TXLNA: variants seen among roughly 807,000 people sequenced by gnomAD.
TXLNA encodes alpha-taxilin.
TXLNA carries 9 observed loss-of-function variants against 61.4 expected under a neutral mutation model. The ratio of observed to expected loss-of-function variants is 0.15; its 90% CI spans 0.09 to 0.26. The LOEUF is 0.26. Ranked by LOEUF, TXLNA falls within the 10% of genes least tolerant of loss-of-function variation. The probability of loss-of-function intolerance (pLI) is 1.00; values close to 1 mark genes in which losing one functional copy is unlikely to be tolerated. For missense variants in TXLNA, 565 were observed against 688.8 expected (o/e 0.82, Z 2.01); for synonymous variants, 257 against 267.7 (o/e 0.96, Z 0.39).
chr1:32,188,152 ACT>A, intron 5 of TXLNA, 28 bp downstream of exon 5: 3 of 1,518,380 alleles, frequency 2.0e-6, no homozygotes, highest in Non-Finnish European at 2.7e-6. Context: ...GGAACAGGTG[ACT>A]CTGGTTTCCT....
Position 32,192,858 on chromosome 1 carries a change from C to A in TXLNA, c.1158+127C>A. ...TGGCTGCTATGACGCCTTGGTTGAG[C>A]CTTTGTTCTCTCCGGACCTGCACAG... On this transcript the variant is annotated intron_variant, in intron 8 of 10. Coordinates refer to ENST00000373610, the MANE Select transcript of TXLNA (RefSeq NM_175852.4). The surrounding 1 kb of genome is among the most constrained non-coding windows in gnomAD (Gnocchi z 4.2). The A allele has an allele frequency of 2.1e-6, 2 of 953,084 alleles. No homozygotes were observed. Among genetic ancestry groups the A allele is most frequent in the South Asian group, 1.5e-5 (1 of 66,280 alleles). The allele number at this position is 953,084 out of a possible 1,614,324, so 59.0% of individuals were successfully genotyped here.
rs16834916 is a variant in TXLNA, at chr1:32,192,846, G to A, written c.1158+115G>A. ...CTGGCTGTGTCCTGGCTGCTATGAC[G>A]CCTTGGTTGAGCCTTTGTTCTCTCC... On this transcript the variant is annotated intron_variant, in intron 8 of 10. Coordinates refer to ENST00000373610, the MANE Select transcript of TXLNA (RefSeq NM_175852.4). The surrounding 1 kb of genome is among the most constrained non-coding windows in gnomAD (Gnocchi z 4.2). 0.092 allele frequency: 99,615 copies of A among 1,077,602 alleles called. 7,046 individuals are homozygous for A. Among genetic ancestry groups the A allele is most frequent in the South Asian group, 0.23 (16,067 of 70,988 alleles). 66.8% of individuals were successfully genotyped at this position (1,077,602 alleles called of 1,614,324 possible).
In TXLNA at chr1:32,184,634, C is replaced by T. The variant is rs777128843; in HGVS notation, c.597+18C>T. 8.3e-6 allele frequency: 13 copies of T among 1,574,076 alleles called. No individual in the cohort carries two copies. The East Asian group carries it at 1.1e-4, about 14-fold the overall frequency. Reference sequence around the variant, plus strand: ...CTGAACTGGTCAGTTCCCCCCTCCGCGGGCACCTTCCCTGCGTTGGGAAAA... The same window carrying T: ...CTGAACTGGTCAGTTCCCCCCTCCGTGGGCACCTTCCCTGCGTTGGGAAAA... On this transcript the variant is annotated intron_variant, in intron 4 of 10. Transcript: ENST00000373610.
chr1:32,186,026 T>C (rs1642782980), intron 4 of TXLNA, among the ~76,000 whole-genome samples: 1 of 152,224 alleles, frequency 6.6e-6, no homozygotes, highest in South Asian at 2.1e-4. Context: ...AATTAATTCA[T>C]TCCACACACA....
At chr1:32,194,394 A>AG (rs953329125) in intron 10 of TXLNA, among the ~76,000 whole-genome samples, 66 of 152,220 alleles carry the variant, frequency 4.3e-4, no homozygotes, top group African/African-American at 1.5e-3. Flanking sequence ...ATAAAAGAGC[A>AG]GAAAAAAACG....
At chr1:32,183,751 T>G (rs1241681200) in intron 3 of TXLNA, among the ~76,000 whole-genome samples, 3 of 145,578 alleles carry the variant, frequency 2.1e-5, no homozygotes, top group Non-Finnish European at 4.5e-5. Context: ...ATTAATTAAT[T>G]TTTTTAGACA....
chr1:32,195,513 T>G lies in TXLNA; in HGVS notation c.*318T>G. On this transcript the variant is annotated 3_prime_UTR_variant, in exon 11 of 11. Coordinates refer to ENST00000373610, the MANE Select transcript of TXLNA (RefSeq NM_175852.4). ...CTGTCATCTGTAGCTGCCATCACAG[T>G]GAGTTGGCAGAAGTGACTTGAGCAT... 2.0e-6 allele frequency: 1 copy of G among 490,610 alleles called. No individual in the cohort carries two copies. The highest frequency in any genetic ancestry group is 3.7e-6 in the Non-Finnish European group (1 of 268,414). 30.4% of individuals were successfully genotyped at this position (490,610 alleles called of 1,614,324 possible).
At chr1:32,193,950 G>A (rs745578420) in intron 9 of TXLNA, 115 bp from the exon 10 acceptor site, 17 of 773,106 alleles carry the variant, frequency 2.2e-5, no homozygotes, top group Non-Finnish European at 3.2e-5. Context: ...AATGCCTTGC[G>A]CCTTGGGATC....
At position 32,192,171 on chromosome 1, in the gene TXLNA, A is replaced by G; in HGVS notation, c.964-140A>G. 6 of 1,299,278 alleles carry G rather than the reference A, an allele frequency of 4.6e-6. No homozygotes were observed. The highest frequency in any genetic ancestry group is 6.3e-6 in the Non-Finnish European group (6 of 946,292). 80.5% of individuals were successfully genotyped at this position (1,299,278 alleles called of 1,614,324 possible). A position where few individuals can be genotyped will look rare whatever the true frequency, so the allele number is the denominator to read the frequency against. On this transcript the variant is annotated intron_variant, in intron 6 of 10. Coordinates refer to ENST00000373610, the MANE Select transcript of TXLNA (RefSeq NM_175852.4). The surrounding 1 kb of genome is among the most constrained non-coding windows in gnomAD (Gnocchi z 4.2). ...CTGACCTTCCAGAGACTTGGGGCCCATGTTGTGTGGTACACATGGGAGTCC... is the reference window on the plus strand; with the variant it reads ...CTGACCTTCCAGAGACTTGGGGCCCGTGTTGTGTGGTACACATGGGAGTCC...
At chr1:32,189,342 A>G (rs539922020) in intron 5 of TXLNA, among the ~76,000 whole-genome samples, 34 of 152,276 alleles carry the variant, frequency 2.2e-4, no homozygotes, top group African/African-American at 6.0e-4. Context: ...TTCCCCATCA[A>G]AAGTGTTGAG....
intron 3 of TXLNA, 69 bp from the exon 4 acceptor site, chr1:32,184,456 A>T: frequency 1.0e-6 from 1 of 999,902 alleles, no homozygotes; most frequent in Non-Finnish European, 1.6e-6. Flanking sequence ...AGCACTCATG[A>T]GTGTGAGCCC....
intron 6 of TXLNA, among the ~76,000 whole-genome samples, chr1:32,190,477 C>T (rs760264759): frequency 3.3e-5 from 5 of 152,184 alleles, no homozygotes; most frequent in Non-Finnish European, 7.3e-5. Context: ...TCCCAAATGA[C>T]TGGGCCAGGC....
chr1:32,195,649 G>GC lies in TXLNA; in HGVS notation c.*455dup, dbSNP rs1557508977. ...CTTGTGAGCAGGGCTTGCTTGGTCA[G>GC]CTCAGGCCCTCCTAGCTGCTCTGGA... is the stretch of plus-strand genomic sequence containing the variant. On this transcript the variant is annotated 3_prime_UTR_variant, in exon 11 of 11. Coordinates refer to ENST00000373610, the MANE Select transcript of TXLNA (RefSeq NM_175852.4). 2.2e-6 allele frequency: 1 copy of GC among 452,166 alleles called. No homozygotes were observed. Among genetic ancestry groups the GC allele is most frequent in the South Asian group, 1.6e-5 (1 of 63,808 alleles). The allele number at this position is 452,166 out of a possible 1,614,324, so 28.0% of individuals were successfully genotyped here.
intron 5 of TXLNA, 99 bp downstream of exon 5, chr1:32,188,223 G>T: frequency 7.5e-7 from 1 of 1,332,966 alleles, no homozygotes. Flanking sequence ...TGCAGGCTAG[G>T]GCCAGGCGCA....
intron 9 of TXLNA, 64 bp downstream of exon 9, chr1:32,193,364 G>A: frequency 7.6e-7 from 1 of 1,322,892 alleles, no homozygotes; most frequent in Non-Finnish European, 1.1e-6. Flanking sequence ...AAATTGTTGG[G>A]CCTGCCTTCA....
Position 32,181,223 on chromosome 1 carries a change from T to A in TXLNA, c.170-19T>A. 1 of 1,536,820 alleles carries A rather than the reference T, an allele frequency of 6.5e-7. No homozygotes were observed. Among genetic ancestry groups the A allele is most frequent in the Non-Finnish European group, 8.8e-7 (1 of 1,138,816 alleles). Reference sequence around the variant, plus strand: ...ATCGTCTTCTTTCTCACTCTACCCCTCATCCTCTCCTGCTGTAGGGGCTCA... The same window carrying A: ...ATCGTCTTCTTTCTCACTCTACCCCACATCCTCTCCTGCTGTAGGGGCTCA... On this transcript the variant is annotated intron_variant, in intron 2 of 10. Transcript: ENST00000373610.
Position 32,194,951 on chromosome 1 carries a change from G to A in TXLNA, c.1397G>A (p.Arg466Gln), listed in dbSNP as rs774113606. 3.1e-5 allele frequency: 50 copies of A among 1,613,776 alleles called. No individual in the cohort carries two copies. The highest frequency in any genetic ancestry group is 6.7e-5 in the East Asian group (3 of 44,892). Residue 466 changes from arginine to glutamine, a missense_variant, in exon 11 of 11, where the codon CGG (arginine) becomes CAG (glutamine). Arg to Gln is a conservative substitution (Grantham distance 43). Coordinates refer to ENST00000373610, the MANE Select transcript of TXLNA (RefSeq NM_175852.4). ...GAGGGCCTGCAGGTAAAAATCCAAC[G>A]GCTGGAGAAGCTGTGCCGGGCACTG... ...ELEGLQVKIQ[R>Q]LEKLCRALQT...
rs749090562 is a variant in TXLNA at position 32,192,620 on chromosome 1, G to A, written c.1084-37G>A. On this transcript the variant is annotated intron_variant, in intron 7 of 10. Coordinates refer to ENST00000373610, the MANE Select transcript of TXLNA (RefSeq NM_175852.4). This position sits in a 1 kb window ranked among gnomAD's most constrained non-coding sequence, Gnocchi z 4.2. ...TAAAAACCAAACATAGCCCCTGGGGGCTTCTGACAGGATCTGGGGTTCTGT... is the reference window on the plus strand; with the variant it reads ...TAAAAACCAAACATAGCCCCTGGGGACTTCTGACAGGATCTGGGGTTCTGT... The A allele has an allele frequency of 6.2e-7, 1 of 1,612,996 alleles. No individual in the cohort carries two copies. The highest frequency in any genetic ancestry group is 1.1e-5 in the South Asian group (1 of 91,056).
Position 32,195,036 on chromosome 1 carries a change from C to A in TXLNA, c.1482C>A (p.Gly494=). The part of the protein sequence containing the change: ...RVQDLSAGGQ[G]SLTDSGPERR... ...AGGACCTGAGTGCTGGTGGCCAGGG[C>A]TCCCTCACTGACAGTGGCCCTGAGA... The change falls in exon 11 of 11, where the codon GGC becomes GGA. Residue 494 remains glycine, a synonymous_variant. Transcript: ENST00000373610. 1.2e-6 allele frequency: 2 copies of A among 1,614,192 alleles called. No individual in the cohort carries two copies. The highest frequency in any genetic ancestry group is 1.7e-6 in the Non-Finnish European group (2 of 1,180,010).
Sources: gnomAD v4.1 joint callset for allele counts (sites outside exome capture counted in the v4.1 genomes callset) on GRCh38, gnomAD v4.1.1 for gene constraint, Gnocchi (gnomAD v3.1) non-coding constraint, MANE v1.5 for transcripts, NCBI Gene and HGNC (gene_info 2026-07-23, HGNC 2026-07-21) for gene names.